The following APBA2 variants were observed in gnomAD, a reference collection of about 807,000 sequenced individuals.
APBA2 encodes amyloid-beta A4 precursor protein-binding family A member 2.
A neutral mutation model predicts 75.0 loss-of-function variants in APBA2; 30 were observed. The observed-to-expected ratio is 0.40, with a 90% CI of 0.30 to 0.54. APBA2 has a LOEUF of 0.54. APBA2 is among the 20% of genes least tolerant of loss of function. APBA2 has a pLI of 0.49. For missense variants in APBA2, 801 were observed against 1,016.1 expected, an observed-to-expected ratio of 0.79 and a Z score of 2.88; for synonymous variants, 444 against 409.6, an observed-to-expected ratio of 1.08 and a Z score of -1.01.
chr15:29,037,743 G>T (rs2040820427), intron 3 of APBA2, among the ~76,000 whole-genome samples: 1 of 152,138 alleles, frequency 6.6e-6, no homozygotes, highest in Non-Finnish European at 1.5e-5. Context: ...TCTGGAGGTT[G>T]GGAAGTCCAA....
chr15:28,898,108 G>C (rs2032621910), intron 1 of APBA2, among the ~76,000 whole-genome samples: 1 of 152,150 alleles, frequency 6.6e-6, no homozygotes, highest in African/African-American at 2.4e-5. Flanking sequence ...ATTCTCCCCT[G>C]GTGCCTCTGG....
At chr15:29,092,565 T>TTGCCAAGCCTGGGCCTGCGGTG (rs1347669989) in intron 6 of APBA2, among the ~76,000 whole-genome samples, 4 of 152,050 alleles carry the variant, frequency 2.6e-5, no homozygotes, top group Non-Finnish European at 4.4e-5. Flanking sequence ...AAGCATGATG[T>TTGCCAAGCCTGGGCCTGCGGTG]TGCCAAGCCT....
chr15:29,089,969 C>T (rs146386100), intron 6 of APBA2, among the ~76,000 whole-genome samples: 36 of 152,234 alleles, frequency 2.4e-4, no homozygotes, highest in African/African-American at 8.7e-4. Flanking sequence ...CATTTTCTAA[C>T]GAAGCTGTTA....
chr15:28,973,469 T>C (rs920255519), intron 2 of APBA2, among the ~76,000 whole-genome samples: 1 of 152,192 alleles, frequency 6.6e-6, no homozygotes, highest in African/African-American at 2.4e-5. Flanking sequence ...TACTGGTTAT[T>C]ATGTGATAAT....
chr15:28,903,837 C>T (rs368606749), intron 1 of APBA2, among the ~76,000 whole-genome samples: 5 of 152,008 alleles, frequency 3.3e-5, no homozygotes, highest in African/African-American at 7.2e-5. Flanking sequence ...TTCTGGAAGG[C>T]GGAAGACCTA....
chr15:28,952,104 C>G (rs989869504), intron 2 of APBA2, among the ~76,000 whole-genome samples: 1 of 151,834 alleles, frequency 6.6e-6, no homozygotes, highest in South Asian at 2.1e-4. Flanking sequence ...CATCTGGCGG[C>G]GAAGCCCTGG....
At chr15:29,037,087 A>C (rs1368605621) in intron 3 of APBA2, among the ~76,000 whole-genome samples, 1 of 152,136 alleles carries the variant, frequency 6.6e-6, no homozygotes, top group African/African-American at 2.4e-5. Flanking sequence ...ATTTAAAATA[A>C]AAGTTAAATT....
intron 3 of APBA2, among the ~76,000 whole-genome samples, chr15:29,010,398 A>G (rs557274250): frequency 2.0e-5 from 3 of 152,230 alleles, no homozygotes; most frequent in South Asian, 4.1e-4. Context: ...AGGTAGGACT[A>G]CAGGCGCCCG....
intron 2 of APBA2, among the ~76,000 whole-genome samples, chr15:28,956,264 A>C (rs916926951): frequency 2.6e-5 from 4 of 152,076 alleles, no homozygotes; most frequent in African/African-American, 9.7e-5. Context: ...GCAGTTGTAC[A>C]CCATGGTGTT....
intron 3 of APBA2, among the ~76,000 whole-genome samples, chr15:29,020,839 C>G (rs183202958): frequency 4.2e-4 from 64 of 152,062 alleles, no homozygotes; most frequent in African/African-American, 1.5e-3. Flanking sequence ...CGACCTCCTC[C>G]CAAATAACCC....
At chr15:29,106,342 G>A (rs1333713103) in intron 11 of APBA2, among the ~76,000 whole-genome samples, 1 of 151,620 alleles carries the variant, frequency 6.6e-6, no homozygotes, top group Non-Finnish European at 1.5e-5. Flanking sequence ...GCCAGGCACG[G>A]GTGGGGATAG....
At position 28,952,517 on chromosome 15, in the gene APBA2, C is replaced by A. The variant is rs79912963; in HGVS notation, c.-95+30768C>A. Among the ~76,000 whole-genome samples the A allele has an allele frequency of 2.3e-4, 35 of 152,212 alleles. 2 individuals carry two copies. The highest frequency in any genetic ancestry group is 7.9e-4 in the African/African-American group (33 of 41,520). ...ACTGCATTCCATCCTGGCTAACAGA[C>A]CAAGACTCTGTTTAAGAAAAAAGGA... On this transcript the variant is annotated intron_variant, in intron 2 of 14. Coordinates refer to ENST00000683413, the MANE Select transcript of APBA2 (RefSeq NM_001353788.2).
chr15:29,013,429 GCCA>G (rs1164099944), intron 3 of APBA2, among the ~76,000 whole-genome samples: 1 of 151,896 alleles, frequency 6.6e-6, no homozygotes, highest in African/African-American at 2.4e-5. Context: ...ACAGGCGCCC[GCCA>G]CCGCGCCTGG....
chr15:28,990,930 G>A (rs1192229644), intron 2 of APBA2: 1 of 152,202 alleles, frequency 6.6e-6, no homozygotes, highest in East Asian at 1.9e-4. Context: ...TTAGACTCTT[G>A]AAGACTTAAC....
At chr15:29,072,172 T>G (rs117886290) in intron 4 of APBA2, among the ~76,000 whole-genome samples, 2,149 of 152,316 alleles carry the variant, frequency 0.014, 17 homozygotes, top group Middle Eastern at 0.037. Context: ...GTTGTTAACC[T>G]GATTTCATTT....
intron 3 of APBA2, among the ~76,000 whole-genome samples, chr15:28,997,785 A>G (rs1040917631): frequency 6.6e-6 from 1 of 152,204 alleles, no homozygotes; most frequent in Non-Finnish European, 1.5e-5. Context: ...TGGAATTTTT[A>G]TGTATCCTGA....
intron 10 of APBA2, among the ~76,000 whole-genome samples, chr15:29,103,145 TGAGGC>T (rs1318741554): frequency 2.6e-5 from 4 of 152,222 alleles, no homozygotes; most frequent in African/African-American, 9.6e-5. Context: ...ACTGGCGGAA[TGAGGC>T]CAGGAGCAGG....
rs1248138107 is a variant in APBA2, at chr15:29,117,455, C to T, written c.*322C>T. ...GTGGTGTGGAGTGTGTGTCTTTCCT[C>T]CCTGAAGCTGTGCGGAGCGAACTGG... On this transcript the variant is annotated 3_prime_UTR_variant, in exon 15 of 15. Coordinates refer to ENST00000683413, the MANE Select transcript of APBA2 (RefSeq NM_001353788.2). The T allele has an allele frequency of 2.4e-6, 1 of 423,890 alleles. No individual in the cohort carries two copies. The highest frequency in any genetic ancestry group is 4.4e-6 in the Non-Finnish European group (1 of 228,376). 26.3% of individuals were successfully genotyped at this position (423,890 alleles called of 1,614,324 possible).
intron 6 of APBA2, 54 bp from the exon 7 acceptor site, chr15:29,093,021 T>G: frequency 6.2e-7 from 1 of 1,611,774 alleles, no homozygotes; most frequent in African/African-American, 1.3e-5. Context: ...ATGCAAGTTC[T>G]TTGTTCAGGG....
Sources: allele counts gnomAD v4.1 joint callset (sites outside exome capture counted in the v4.1 genomes callset), GRCh38; gene constraint gnomAD v4.1.1; transcripts MANE v1.5; gene names NCBI Gene and HGNC (gene_info 2026-07-23, HGNC 2026-07-21).